The following PEX16 variants were observed in gnomAD, a reference collection of about 807,000 sequenced individuals.
PEX16 encodes the protein peroxin 16.
Under a neutral mutation model 50.5 loss-of-function variants are expected in PEX16, and 37 were observed. The observed-to-expected ratio is 0.73, with a 90% CI of 0.56 to 0.96. PEX16 has a LOEUF of 0.96. PEX16 is among the 40% of genes least tolerant of loss of function. The probability of loss-of-function intolerance (pLI) is 0.00; values close to 1 mark genes in which losing one functional copy is unlikely to be tolerated. For missense variants in PEX16, 401 were observed against 438.3 expected, an observed-to-expected ratio of 0.91 and a Z score of 0.76; for synonymous variants, 185 against 190.3, an observed-to-expected ratio of 0.97 and a Z score of 0.23.
At position 45,910,851 on chromosome 11, in the gene PEX16, C is replaced by T. The variant is rs529916405; in HGVS notation, c.952+47G>A. 2.0e-6 allele frequency: 3 copies of T among 1,496,526 alleles called. No individual in the cohort carries two copies. The African/African-American group carries it at 4.1e-5, about 21-fold the overall frequency. The allele number at this position is 1,496,526 out of a possible 1,614,324, so 92.7% of individuals were successfully genotyped here. On this transcript the variant is annotated intron_variant, in intron 10 of 10. Coordinates refer to ENST00000378750, the MANE Select transcript of PEX16 (RefSeq NM_004813.4). Reference sequence around the variant, plus strand: ...GAGGAGTCAGGGAGGTGCTTGCATGCATGCGCCTTCCAGCACTACAGTCAT... The same window carrying T: ...GAGGAGTCAGGGAGGTGCTTGCATGTATGCGCCTTCCAGCACTACAGTCAT...
chr11:45,913,790 C>A lies in PEX16; in HGVS notation c.887+29G>T, dbSNP rs761170320. On this transcript the variant is annotated intron_variant, in intron 9 of 10. Transcript: ENST00000378750. ...ACCAGTGCCCGCTTGCCAGCCCTCTCCCTGGCTCAGGGTGTCCTGGGTGCT... is the reference window on the plus strand; with the variant it reads ...ACCAGTGCCCGCTTGCCAGCCCTCTACCTGGCTCAGGGTGTCCTGGGTGCT... 8 of 1,613,710 alleles carry A rather than the reference C, an allele frequency of 5.0e-6. 1 individual carries two copies. The South Asian group carries it at 7.7e-5, about 16-fold the overall frequency.
rs1403262719 is a variant in PEX16, at chr11:45,914,358, TCTC to T, written c.649_651del (p.Glu217del). 1.9e-6 allele frequency: 3 copies of T among 1,611,762 alleles called. No individual in the cohort carries two copies. Among genetic ancestry groups the T allele is most frequent in the Non-Finnish European group, 1.7e-6 (2 of 1,180,026 alleles). Reference sequence around the variant, plus strand: ...GCAATGTACAAAAACTCTGCGATGGTCTCCTGCAGCCCCAGGGGGGTGGGGGTC... The same window carrying T: ...GCAATGTACAAAAACTCTGCGATGGTCTGCAGCCCCAGGGGGGTGGGGGTC... On this transcript the variant is annotated inframe_deletion, in exon 7 of 11. Transcript: ENST00000378750.
At chr11:45,911,651 G>A (rs1021377935) in intron 9 of PEX16, among the ~76,000 whole-genome samples, 4 of 152,204 alleles carry the variant, frequency 2.6e-5, no homozygotes, top group African/African-American at 7.2e-5. Context: ...AGGCACAGGC[G>A]CATCAAATAA....
upstream of PEX16, chr11:45,917,927 T>G (rs548616950): frequency 4.1e-4 from 316 of 776,456 alleles, 2 homozygotes; most frequent in Non-Finnish European, 3.1e-4. Context: ...TTGCTTAACT[T>G]CCGCGGGCCA....
Position 45,909,815 on chromosome 11 carries a change from C to T in PEX16, c.*439G>A, listed in dbSNP as rs1046973829. The T allele has an allele frequency of 3.8e-5, 20 of 527,312 alleles. No homozygotes were observed. Among genetic ancestry groups the T allele is most frequent in the Non-Finnish European group, 5.9e-5 (17 of 290,114 alleles). 32.7% of individuals were successfully genotyped at this position (527,312 alleles called of 1,614,324 possible). A position where few individuals can be genotyped will look rare whatever the true frequency, so the allele number is the denominator to read the frequency against. On this transcript the variant is annotated 3_prime_UTR_variant, in exon 11 of 11. Coordinates refer to ENST00000378750, the MANE Select transcript of PEX16 (RefSeq NM_004813.4). ...GGGCTGCCAGAGCCACAGGGCCCTGCGGAGAAGGGGCAGACGGAGGGCCCC... is the reference window on the plus strand; with the variant it reads ...GGGCTGCCAGAGCCACAGGGCCCTGTGGAGAAGGGGCAGACGGAGGGCCCC...
intron 5 of PEX16, 88 bp downstream of exon 5, chr11:45,915,380 G>A: frequency 2.1e-6 from 2 of 961,728 alleles, no homozygotes; most frequent in Non-Finnish European, 3.4e-6. Context: ...TCCATAAACA[G>A]ATACTACTGT....
chr11:45,916,113 G>A, intron 3 of PEX16, 114 bp downstream of exon 3: 2 of 848,926 alleles, frequency 2.4e-6, no homozygotes, highest in Non-Finnish European at 4.1e-6. Context: ...AGGCTCAGAT[G>A]GACATAGGCC....
chr11:45,913,037 G>A (rs2086794923), intron 9 of PEX16, among the ~76,000 whole-genome samples: 1 of 151,632 alleles, frequency 6.6e-6, no homozygotes, highest in Non-Finnish European at 1.5e-5. Context: ...TGCCCAGGCT[G>A]GTCTCGAACT....
intron 9 of PEX16, 31 bp from the exon 10 acceptor site, chr11:45,910,993 G>C (rs1273325925): frequency 1.3e-6 from 2 of 1,551,822 alleles, no homozygotes; most frequent in Non-Finnish European, 1.8e-6. Flanking sequence ...GGAGCAAGCT[G>C]AGTGGGGTGG....
At chr11:45,917,360 AG>A in intron 2 of PEX16, 97 bp downstream of exon 2, 3 of 1,077,988 alleles carry the variant, frequency 2.8e-6, no homozygotes, top group Non-Finnish European at 4.3e-6. Context: ...TCTAACGGGC[AG>A]CCCAGGTCCT....
chr11:45,917,656 T>C (rs1032745977), intron 1 of PEX16, 44 bp downstream of exon 1: 1 of 1,507,732 alleles, frequency 6.6e-7, no homozygotes, highest in Admixed American at 2.0e-5. Flanking sequence ...ACTGGGGTCA[T>C]AGGTCAGGGC....
intron 9 of PEX16, among the ~76,000 whole-genome samples, chr11:45,911,498 G>T (rs915549109): frequency 6.6e-6 from 1 of 152,240 alleles, no homozygotes; most frequent in Non-Finnish European, 1.5e-5. Context: ...TTTTCCACAG[G>T]GGAACTCGGG....
intron 9 of PEX16, among the ~76,000 whole-genome samples, 155 bp downstream of exon 9, chr11:45,913,664 G>T (rs1180972694): frequency 6.6e-6 from 1 of 152,226 alleles, no homozygotes; most frequent in African/African-American, 2.4e-5. Flanking sequence ...CTGCGGGCGG[G>T]ACTGGGCTGG....
intron 3 of PEX16, 71 bp downstream of exon 3, chr11:45,916,156 C>T: frequency 9.0e-7 from 1 of 1,115,354 alleles, no homozygotes; most frequent in Non-Finnish European, 1.4e-6. Context: ...GTGCTGCACG[C>T]ATGGGCTAGC....
intron 2 of PEX16, 82 bp from the exon 3 acceptor site, chr11:45,916,385 C>G: frequency 9.2e-7 from 1 of 1,086,764 alleles, no homozygotes; most frequent in South Asian, 1.2e-5. Flanking sequence ...GCAGGGATCA[C>G]CTGTCACATG....
At chr11:45,914,495 G>C in intron 6 of PEX16, 27 bp from the exon 7 acceptor site, 1 of 1,608,450 alleles carries the variant, frequency 6.2e-7, no homozygotes, top group Non-Finnish European at 8.5e-7. Flanking sequence ...GCAGATGAGC[G>C]AGCCAGGCCC....
chr11:45,917,972 C>T, upstream of PEX16: 3 of 693,244 alleles, frequency 4.3e-6, no homozygotes, highest in Non-Finnish European at 7.8e-6. Context: ...GTGAACCACC[C>T]TTCACCCCAT....
At position 45,914,651 on chromosome 11, in the gene PEX16, G is replaced by C; in HGVS notation, c.494C>G (p.Ser165Cys). Residue 165 changes from serine (S) to cysteine (C), a missense_variant, in exon 6 of 11, where the codon TCC becomes TGC. Transcript: ENST00000378750. The stretch of plus-strand genomic sequence containing the variant: ...CCGGTTTGACCGCTTCCCCACGTAG[G>C]ACTGCTCATGGTTGCCAGGGCTGTG... The part of the protein sequence containing the change: ...GDHSPGNHEQ[S>C]YVGKRSNRVV... The C allele has an allele frequency of 1.2e-6, 2 of 1,614,194 alleles. No individual in the cohort carries two copies. Among genetic ancestry groups the C allele is most frequent in the Non-Finnish European group, 1.7e-6 (2 of 1,180,026 alleles).
At chr11:45,912,239 C>A (rs752379970) in intron 9 of PEX16, among the ~76,000 whole-genome samples, 3 of 152,060 alleles carry the variant, frequency 2.0e-5, no homozygotes, top group Non-Finnish European at 4.4e-5. Context: ...TGGCTCACGC[C>A]TGTAATCCCA....
Sources: gnomAD v4.1 joint callset for allele counts (sites outside exome capture counted in the v4.1 genomes callset) on GRCh38, gnomAD v4.1.1 for gene constraint, MANE v1.5 for transcripts, NCBI Gene and HGNC (gene_info 2026-07-23, HGNC 2026-07-21) for gene names.